The following C2orf76 variants were observed in gnomAD, a reference collection of about 807,000 sequenced individuals.
The protein encoded by C2orf76 is UPF0538 protein C2orf76.
Under a neutral mutation model 16.9 loss-of-function variants are expected in C2orf76, and 23 were observed. That is an observed-to-expected ratio of 1.36 (90% CI 0.98 to 1.93). C2orf76 has a LOEUF of 1.93. C2orf76 is among the 30% of genes most tolerant of loss of function. The pLI, the probability that C2orf76 is intolerant of heterozygous loss-of-function variation, is 0.00. For synonymous variants in C2orf76, 48 were observed against 52.3 expected, an observed-to-expected ratio of 0.92 and a Z score of 0.35; for missense variants, 152 against 152.6, an observed-to-expected ratio of 1.00 and a Z score of 0.02.
At chr2:119,314,253 G>C (rs764939572) in intron 4 of C2orf76, among the ~76,000 whole-genome samples, 12 of 151,934 alleles carry the variant, frequency 7.9e-5, no homozygotes, top group Non-Finnish European at 1.5e-4. Flanking sequence ...AATAGATACA[G>C]AATAGTGTAA....
intron 2 of C2orf76, among the ~76,000 whole-genome samples, chr2:119,324,271 G>A (rs536874471): frequency 1.3e-5 from 2 of 152,148 alleles, no homozygotes; most frequent in Non-Finnish European, 2.9e-5. Context: ...AGGACACAGC[G>A]AGCACCTATT....
chr2:119,287,700 A>G, the C2orf76 span, among the ~76,000 whole-genome samples: 1 of 152,114 alleles, frequency 6.6e-6, no homozygotes, highest in African/African-American at 2.4e-5. Context: ...TTTAACTGAC[A>G]TGAAGTTCTG....
rs187411850 is a variant in C2orf76, at chr2:119,342,633, A to G, written c.-12-2662T>C. 3.1e-4 allele frequency among the ~76,000 whole-genome samples: 47 copies of G among 152,272 alleles called. No homozygotes were observed. In the East Asian group the frequency reaches 8.9e-3, roughly 29 times the overall value. ...TCTCAAAAAACAAAAAAGAAAAAAAAAAAGAAAGGAGACAATTATCTGAGG... is the reference window on the plus strand; with the variant it reads ...TCTCAAAAAACAAAAAAGAAAAAAAGAAAGAAAGGAGACAATTATCTGAGG... On this transcript the variant is annotated intron_variant, in intron 1 of 5. Transcript: ENST00000334816.
intron 5 of C2orf76, among the ~76,000 whole-genome samples, chr2:119,310,580 C>A (rs1175822803): frequency 6.6e-6 from 1 of 152,174 alleles, no homozygotes; most frequent in Non-Finnish European, 1.5e-5. Flanking sequence ...CCAATGTGCA[C>A]CTCACTAACC....
At chr2:119,302,811 G>A (rs188648244) in intron 5 of C2orf76, among the ~76,000 whole-genome samples, 2 of 152,214 alleles carry the variant, frequency 1.3e-5, no homozygotes, top group Admixed American at 6.5e-5. Context: ...AAAATCAAGA[G>A]TTAATACAAG....
chr2:119,284,996 TC>T, the C2orf76 span, among the ~76,000 whole-genome samples: 1 of 152,188 alleles, frequency 6.6e-6, no homozygotes, highest in South Asian at 2.1e-4. Context: ...ATATCTGTGT[TC>T]CAGGATTGTG....
chr2:119,320,012 C>G (rs552001111), intron 3 of C2orf76, among the ~76,000 whole-genome samples: 1 of 152,256 alleles, frequency 6.6e-6, no homozygotes, highest in African/African-American at 2.4e-5. Flanking sequence ...TTCATTTTTT[C>G]TGCCAATTCA....
intron 2 of C2orf76, among the ~76,000 whole-genome samples, chr2:119,334,955 C>G (rs1286984502): frequency 6.6e-6 from 1 of 152,152 alleles, no homozygotes; most frequent in South Asian, 2.1e-4. Flanking sequence ...CACTGCTATA[C>G]CTGTATGCTA....
At chr2:119,331,611 G>A (rs1335562423) in intron 2 of C2orf76, among the ~76,000 whole-genome samples, 4 of 152,106 alleles carry the variant, frequency 2.6e-5, no homozygotes, top group African/African-American at 9.7e-5. Flanking sequence ...TGCCAGCTCT[G>A]ACTCCTAAAC....
At position 119,311,693 on chromosome 2, in the gene C2orf76, A is replaced by C. The variant is rs1385617047; in HGVS notation, c.233T>G (p.Leu78Arg). The change falls in exon 5 of 6, where the codon CTT becomes CGT. Residue 78 changes from leucine (L) to arginine (R), a missense_variant. Leu to Arg is a moderately radical substitution (Grantham distance 102, BLOSUM62 -2). Transcript: ENST00000334816. ...HQAHKSKTNE[L>R]VLSLEDDERL... ...TTCGTCATCTTCCAAACTCAACACA[A>C]GTTCATTTGTCTAAAAAAAAAAAAG... is the stretch of plus-strand genomic sequence containing the variant. The C allele has an allele frequency of 5.0e-6, 8 of 1,606,086 alleles. No homozygotes were observed. The African/African-American group carries it at 1.1e-4, about 23-fold the overall frequency.
chr2:119,347,644 G>C (rs1336938460), intron 1 of C2orf76, among the ~76,000 whole-genome samples: 2 of 152,230 alleles, frequency 1.3e-5, no homozygotes, highest in East Asian at 3.9e-4. Flanking sequence ...GGCCGAGGCA[G>C]GAGGATCACT....
At chr2:119,282,014 T>G in the C2orf76 span, among the ~76,000 whole-genome samples, 5 of 152,002 alleles carry the variant, frequency 3.3e-5, no homozygotes, top group African/African-American at 4.8e-5. Flanking sequence ...GGTGTGGTGG[T>G]GGACGCCTGC....
intron 2 of C2orf76, among the ~76,000 whole-genome samples, chr2:119,323,382 T>G (rs1212630946): frequency 6.6e-6 from 1 of 152,134 alleles, no homozygotes; most frequent in Non-Finnish European, 1.5e-5. Flanking sequence ...TAAAATATAA[T>G]TGATTAATTT....
chr2:119,295,978 A>C, the C2orf76 span, among the ~76,000 whole-genome samples: 3 of 152,224 alleles, frequency 2.0e-5, no homozygotes, highest in Non-Finnish European at 4.4e-5. Context: ...ATGAGCCTCC[A>C]AAGGCCATTA....
At chr2:119,356,062 C>A (rs1680562048) in intron 1 of C2orf76, among the ~76,000 whole-genome samples, 1 of 152,146 alleles carries the variant, frequency 6.6e-6, no homozygotes, top group Non-Finnish European at 1.5e-5. Flanking sequence ...CACTTGGAAA[C>A]TAAGCAACAG....
chr2:119,294,085 A>C, the C2orf76 span, among the ~76,000 whole-genome samples: 4 of 152,256 alleles, frequency 2.6e-5, no homozygotes, highest in African/African-American at 9.6e-5. Flanking sequence ...ATATAATTAG[A>C]GAAGTCAGAG....
intron 1 of C2orf76, among the ~76,000 whole-genome samples, chr2:119,360,083 C>T (rs976146197): frequency 6.6e-6 from 1 of 152,182 alleles, no homozygotes; most frequent in African/African-American, 2.4e-5. Context: ...CAGTTAGCAG[C>T]CATCAACATT....
chr2:119,319,263 G>T (rs142893190), intron 3 of C2orf76, among the ~76,000 whole-genome samples: 151 of 152,252 alleles, frequency 9.9e-4, no homozygotes, highest in African/African-American at 3.5e-3. Flanking sequence ...AGCAGAAAAA[G>T]AAATGTTTTG....
At chr2:119,290,238 TTTAA>T in the C2orf76 span, among the ~76,000 whole-genome samples, 1 of 151,754 alleles carries the variant, frequency 6.6e-6, no homozygotes, top group Non-Finnish European at 1.5e-5. Flanking sequence ...GAAGGAATTT[TTTAA>T]GCACCTCACC....
Sources: gnomAD v4.1 joint callset for allele counts (sites outside exome capture counted in the v4.1 genomes callset) on GRCh38, gnomAD v4.1.1 for gene constraint, MANE v1.5 for transcripts, NCBI Gene and HGNC (gene_info 2026-07-23, HGNC 2026-07-21) for gene names.